Variants in DCAF6 observed in about 807,000 individuals in gnomAD.
The protein encoded by DCAF6 is DDB1 and CUL4 associated factor 6.
DCAF6 carries 54 observed loss-of-function variants against 125.1 expected under a neutral mutation model. The ratio of observed to expected loss-of-function variants is 0.43; its 90% CI spans 0.35 to 0.54. DCAF6 has a LOEUF of 0.54. Among genes scored for constraint, DCAF6 ranks in the 20% least tolerant of loss-of-function variants. The pLI is 0.01. For synonymous variants in DCAF6, 371 were observed against 390.4 expected, an observed-to-expected ratio of 0.95 and a Z score of 0.58; for missense variants, 934 against 1,161.7, an observed-to-expected ratio of 0.80 and a Z score of 2.85.
chr1:167,901,841 C>T, the DCAF6 span: 18 of 1,614,138 alleles, frequency 1.1e-5, no homozygotes, highest in Non-Finnish European at 1.5e-5. Flanking sequence ...TTTTGACCTG[C>T]CCTGGGGATC....
At chr1:167,919,898 A>AC in the DCAF6 span, 1 of 882,936 alleles carries the variant, frequency 1.1e-6, no homozygotes, top group Non-Finnish European at 1.8e-6. Context: ...ACAGAGCGAG[A>AC]CCCCGTCTCA....
At position 168,015,569 on chromosome 1, in the gene DCAF6, A is replaced by C. The variant is rs146974042; in HGVS notation, c.1379-212A>C. ...TATTCCTAGAGAAATATATGTATCT[A>C]ATTCATCGTAGTTAAATAGAAGCAT... On this transcript the variant is annotated intron_variant, in intron 10 of 21. Transcript: ENST00000367840. Among the ~76,000 whole-genome samples the C allele has an allele frequency of 5.5e-3, 830 of 152,286 alleles. 8 individuals carry two copies. The highest frequency in any genetic ancestry group is 0.018 in the African/African-American group (756 of 41,576).
At chr1:168,067,411 A>G (rs182904799) in intron 20 of DCAF6, among the ~76,000 whole-genome samples, 1 of 152,168 alleles carries the variant, frequency 6.6e-6, no homozygotes, top group Admixed American at 6.5e-5. Flanking sequence ...CACAGAGAGG[A>G]ACAGCTGTTT....
At chr1:167,941,734 T>TA (rs1672269199) in intron 1 of DCAF6, among the ~76,000 whole-genome samples, 3 of 152,192 alleles carry the variant, frequency 2.0e-5, no homozygotes, top group Admixed American at 6.5e-5. Context: ...TGAAGGAGAT[T>TA]AAAAAAATTT....
At chr1:168,058,105 T>C (rs1691122415) in intron 17 of DCAF6, among the ~76,000 whole-genome samples, 1 of 152,240 alleles carries the variant, frequency 6.6e-6, no homozygotes, top group African/African-American at 2.4e-5. Flanking sequence ...ACTCTTTTTT[T>C]TCCTCAGATA....
intron 1 of DCAF6, among the ~76,000 whole-genome samples, chr1:167,940,281 G>T (rs1255798372): frequency 2.6e-5 from 4 of 152,228 alleles, no homozygotes; most frequent in Admixed American, 2.6e-4. Context: ...CCAACAGAGT[G>T]TTGTTTTAGA....
the DCAF6 span, among the ~76,000 whole-genome samples, chr1:167,877,353 T>C: frequency 6.6e-6 from 1 of 151,784 alleles, no homozygotes; most frequent in East Asian, 1.9e-4. Flanking sequence ...TGCACTTTAT[T>C]GATGGCCTAT....
intron 12 of DCAF6, among the ~76,000 whole-genome samples, chr1:168,036,557 G>T (rs2101719980): frequency 6.6e-6 from 1 of 152,276 alleles, no homozygotes; most frequent in African/African-American, 2.4e-5. Flanking sequence ...TATTGCAGAA[G>T]CCTAAAGACA....
the DCAF6 span, among the ~76,000 whole-genome samples, chr1:167,891,873 G>A: frequency 2.6e-5 from 4 of 152,158 alleles, no homozygotes; most frequent in Non-Finnish European, 5.9e-5. Flanking sequence ...ATGCAGCCAT[G>A]CTTCCTAATT....
At chr1:167,910,046 C>T in the DCAF6 span, among the ~76,000 whole-genome samples, 1 of 152,140 alleles carries the variant, frequency 6.6e-6, no homozygotes, top group Non-Finnish European at 1.5e-5. Context: ...AGCTCTAAGC[C>T]CTTAAAAGGG....
chr1:167,884,780 C>T, the DCAF6 span, among the ~76,000 whole-genome samples: 4 of 150,972 alleles, frequency 2.6e-5, no homozygotes, highest in Admixed American at 2.6e-4. Context: ...TCACTGCAAC[C>T]TCTGCCTCCT....
chr1:168,058,283 A>C (rs1003399057), intron 17 of DCAF6, among the ~76,000 whole-genome samples: 2 of 152,224 alleles, frequency 1.3e-5, no homozygotes, highest in Admixed American at 1.3e-4. Context: ...GAGCATTCTG[A>C]AATATTTCTC....
At chr1:168,033,244 T>A (rs1687335986) in intron 12 of DCAF6, among the ~76,000 whole-genome samples, 1 of 151,920 alleles carries the variant, frequency 6.6e-6, no homozygotes, top group Non-Finnish European at 1.5e-5. Context: ...TTATTCTGAA[T>A]TTTTTTTCTG....
intron 5 of DCAF6, among the ~76,000 whole-genome samples, chr1:167,988,285 C>T (rs1009320180): frequency 3.3e-5 from 5 of 152,080 alleles, no homozygotes; most frequent in South Asian, 2.1e-4. Flanking sequence ...CTTAGCCTCC[C>T]GAGTAGCTGG....
intron 3 of DCAF6, among the ~76,000 whole-genome samples, chr1:167,967,525 A>G (rs772848453): frequency 1.6e-4 from 25 of 152,192 alleles, no homozygotes; most frequent in Non-Finnish European, 3.4e-4. Flanking sequence ...TACACTTGAC[A>G]TAACAGTTAA....
the DCAF6 span, chr1:167,870,219 T>C: frequency 1.2e-6 from 2 of 1,612,604 alleles, no homozygotes; most frequent in East Asian, 4.5e-5. Flanking sequence ...ATCAGGATTC[T>C]ATGGGTTCAC....
chr1:167,961,969 G>C (rs1675671409), intron 2 of DCAF6, among the ~76,000 whole-genome samples: 2 of 152,070 alleles, frequency 1.3e-5, no homozygotes, highest in Non-Finnish European at 2.9e-5. Context: ...TGACCGATGT[G>C]TTATTTTGAA....
At chr1:168,031,795 C>T (rs922518248) in intron 12 of DCAF6, among the ~76,000 whole-genome samples, 1 of 151,912 alleles carries the variant, frequency 6.6e-6, no homozygotes, top group Non-Finnish European at 1.5e-5. Flanking sequence ...TGCCACATGG[C>T]GTGGGCGTAT....
chr1:167,875,172 G>A, the DCAF6 span: 14 of 1,613,954 alleles, frequency 8.7e-6, no homozygotes, highest in South Asian at 5.5e-5. Context: ...GATGAGGCAC[G>A]CCATACCAAA....
Sources: allele counts gnomAD v4.1 joint callset (sites outside exome capture counted in the v4.1 genomes callset), GRCh38; gene constraint gnomAD v4.1.1; transcripts MANE v1.5; gene names NCBI Gene and HGNC (gene_info 2026-07-23, HGNC 2026-07-21).